The following SLCO1B1 variants were observed in gnomAD, a reference collection of about 807,000 sequenced individuals.
SLCO1B1 encodes the protein solute carrier organic anion transporter family member 1B1.
SLCO1B1 carries 81 observed loss-of-function variants against 70.1 expected under a neutral mutation model. The observed-to-expected ratio is 1.16, with a 90% CI of 0.97 to 1.39. The LOEUF is 1.39. SLCO1B1 is among the 40% of genes most tolerant of loss of function. The pLI is 0.00. For missense variants in SLCO1B1, 895 were observed against 799.6 expected, an observed-to-expected ratio of 1.12 and a Z score of -1.44; for synonymous variants, 283 against 271.5, an observed-to-expected ratio of 1.04 and a Z score of -0.42.
At chr12:21,151,396 A>G (rs978083709) in intron 2 of SLCO1B1, among the ~76,000 whole-genome samples, 7 of 152,144 alleles carry the variant, frequency 4.6e-5, no homozygotes, top group African/African-American at 1.7e-4. Context: ...ATACCACTTC[A>G]TGGGTAGTAT....
intron 8 of SLCO1B1, among the ~76,000 whole-genome samples, chr12:21,200,027 C>G (rs1941137937): frequency 2.0e-5 from 3 of 152,106 alleles, no homozygotes; most frequent in African/African-American, 7.2e-5. Flanking sequence ...TCTCGAATTC[C>G]TGACCCCAGG....
intron 1 of SLCO1B1, among the ~76,000 whole-genome samples, chr12:21,137,838 C>A (rs936563405): frequency 6.6e-6 from 1 of 152,206 alleles, no homozygotes; most frequent in African/African-American, 2.4e-5. Flanking sequence ...GCGCTTCACC[C>A]ACTGTCCTGC....
intron 1 of SLCO1B1, among the ~76,000 whole-genome samples, chr12:21,140,208 C>T (rs1940288852): frequency 6.6e-6 from 1 of 152,006 alleles, no homozygotes; most frequent in South Asian, 2.1e-4. Context: ...ATAACTACTG[C>T]AACAAGTATC....
At chr12:21,146,280 G>A (rs1940381674) in intron 2 of SLCO1B1, among the ~76,000 whole-genome samples, 1 of 151,922 alleles carries the variant, frequency 6.6e-6, no homozygotes, top group Admixed American at 6.6e-5. Flanking sequence ...ATGTATATTG[G>A]ATCTGTAGTT....
At chr12:21,235,428 A>T (rs1411608291) in intron 14 of SLCO1B1, among the ~76,000 whole-genome samples, 1 of 148,488 alleles carries the variant, frequency 6.7e-6, no homozygotes, top group Non-Finnish European at 1.5e-5. Context: ...CTTTAAGTCT[A>T]TGGGTGTCCT....
intron 7 of SLCO1B1, among the ~76,000 whole-genome samples, chr12:21,185,311 C>T (rs1591812977): frequency 6.6e-6 from 1 of 152,084 alleles, no homozygotes; most frequent in Admixed American, 6.6e-5. Flanking sequence ...AATATGCTTT[C>T]TTCTCATCTG....
chr12:21,228,927 G>T (rs1565445035), intron 14 of SLCO1B1, among the ~76,000 whole-genome samples: 1 of 151,350 alleles, frequency 6.6e-6, no homozygotes, highest in African/African-American at 2.4e-5. Context: ...TTACCACATT[G>T]TAGCTAACTC....
chr12:21,141,892 A>G (rs1017162349), intron 2 of SLCO1B1, among the ~76,000 whole-genome samples: 6 of 151,884 alleles, frequency 4.0e-5, no homozygotes, highest in African/African-American at 1.4e-4. Flanking sequence ...TAGAAAATTT[A>G]GAAATATTTT....
At chr12:21,222,811 C>T (rs998003847) in intron 13 of SLCO1B1, among the ~76,000 whole-genome samples, 3 of 152,034 alleles carry the variant, frequency 2.0e-5, no homozygotes, top group African/African-American at 4.8e-5. Flanking sequence ...GCTTGGGAAG[C>T]GTGGGAATCT....
chr12:21,207,827 G>A (rs77289848), intron 11 of SLCO1B1, among the ~76,000 whole-genome samples: 20,222 of 151,700 alleles, frequency 0.13, 1,571 homozygotes, highest in East Asian at 0.35. Flanking sequence ...TTTTGAACCA[G>A]TCAGCCCTTC....
At chr12:21,224,114 C>T (rs1941459675) in intron 13 of SLCO1B1, among the ~76,000 whole-genome samples, 2 of 152,128 alleles carry the variant, frequency 1.3e-5, no homozygotes, top group African/African-American at 4.8e-5. Context: ...TAGAAAATCA[C>T]TGGACTGTGA....
intron 2 of SLCO1B1, among the ~76,000 whole-genome samples, chr12:21,167,659 C>T (rs1489155142): frequency 1.3e-5 from 2 of 152,134 alleles, no homozygotes; most frequent in Non-Finnish European, 2.9e-5. Context: ...AGTACACTCA[C>T]ATTGATGAAC....
intron 14 of SLCO1B1, among the ~76,000 whole-genome samples, chr12:21,235,776 T>C (rs1190760394): frequency 1.3e-5 from 2 of 152,100 alleles, no homozygotes; most frequent in South Asian, 2.1e-4. Context: ...GTCTGGGAAA[T>C]ATTTTATTTC....
chr12:21,185,869 T>A (rs1940957303), intron 7 of SLCO1B1, among the ~76,000 whole-genome samples: 1 of 151,690 alleles, frequency 6.6e-6, no homozygotes, highest in Non-Finnish European at 1.5e-5. Context: ...TTAAGCACAA[T>A]CGGAAATGAC....
chr12:21,155,718 A>G (rs1399234424), intron 2 of SLCO1B1, among the ~76,000 whole-genome samples: 1 of 152,192 alleles, frequency 6.6e-6, no homozygotes, highest in African/African-American at 2.4e-5. Flanking sequence ...ACCAGTAACC[A>G]ATAAATCACG....
chr12:21,175,492 A>G (rs1211082094), intron 4 of SLCO1B1, among the ~76,000 whole-genome samples: 1 of 152,164 alleles, frequency 6.6e-6, no homozygotes, highest in African/African-American at 2.4e-5. Context: ...AATCCCAAGT[A>G]TAATTACTGT....
At chr12:21,188,478 G>T (rs1940988106) in intron 7 of SLCO1B1, among the ~76,000 whole-genome samples, 1 of 152,092 alleles carries the variant, frequency 6.6e-6, no homozygotes. Flanking sequence ...TATTGGTAAG[G>T]ATTCTGATCA....
At chr12:21,134,357 T>G (rs537617192) in intron 1 of SLCO1B1, among the ~76,000 whole-genome samples, 2 of 152,338 alleles carry the variant, frequency 1.3e-5, no homozygotes, top group East Asian at 1.9e-4. Context: ...TAAAATGAGT[T>G]AGGGAGGATT....
In SLCO1B1 at chr12:21,196,724, G is replaced by A. The variant is rs11045851; in HGVS notation, c.728-222G>A. The stretch of plus-strand genomic sequence containing the variant: ...AAGCCATCAAGTGCACACAAGCTCA[G>A]GCAATGACAACAATATCATGACTGA... On this transcript the variant is annotated intron_variant, in intron 7 of 14. Coordinates refer to ENST00000256958, the MANE Select transcript of SLCO1B1 (RefSeq NM_006446.5). 8.8e-3 allele frequency among the ~76,000 whole-genome samples: 1,338 copies of A among 152,190 alleles called. 30 individuals are homozygous for A. The highest frequency in any genetic ancestry group is 0.031 in the African/African-American group (1,290 of 41,518).
Sources: gnomAD v4.1 joint callset for allele counts (sites outside exome capture counted in the v4.1 genomes callset) on GRCh38, gnomAD v4.1.1 for gene constraint, MANE v1.5 for transcripts, NCBI Gene and HGNC (gene_info 2026-07-23, HGNC 2026-07-21) for gene names.